FRMD3: variants seen among roughly 807,000 people sequenced by gnomAD.
The protein encoded by FRMD3 is FERM domain containing 3, also known as FERM domain-containing protein 3.
FRMD3 carries 33 observed loss-of-function variants against 70.2 expected under a neutral mutation model. The observed-to-expected ratio is 0.47, with a 90% CI of 0.36 to 0.63. The LOEUF is 0.63. Among genes scored for constraint, FRMD3 ranks in the 20% least tolerant of loss-of-function variants. The pLI is 0.00. For missense variants in FRMD3, 632 were observed against 711.4 expected, an observed-to-expected ratio of 0.89 and a Z score of 1.27; for synonymous variants, 279 against 255.9, an observed-to-expected ratio of 1.09 and a Z score of -0.86.
intron 1 of FRMD3, among the ~76,000 whole-genome samples, chr9:83,460,905 T>C (rs1827950943): frequency 6.6e-6 from 1 of 152,038 alleles, no homozygotes; most frequent in Non-Finnish European, 1.5e-5. Flanking sequence ...GCTTCTAGTT[T>C]GACACATCTG....
chr9:83,300,474 T>C (rs1834868318), intron 10 of FRMD3, among the ~76,000 whole-genome samples: 1 of 152,202 alleles, frequency 6.6e-6, no homozygotes, highest in South Asian at 2.1e-4. Context: ...ATATTCTCAC[T>C]TCTAAGTGGG....
At chr9:83,426,278 C>G (rs1587841890) in intron 1 of FRMD3, among the ~76,000 whole-genome samples, 1 of 152,362 alleles carries the variant, frequency 6.6e-6, no homozygotes, top group East Asian at 1.9e-4. Context: ...CAGTTACCAA[C>G]AGCAAAATGC....
intron 1 of FRMD3, among the ~76,000 whole-genome samples, chr9:83,469,696 A>G (rs952990449): frequency 6.6e-6 from 1 of 152,208 alleles, no homozygotes; most frequent in Non-Finnish European, 1.5e-5. Flanking sequence ...GAAAAAAAAA[A>G]CACATTAAAC....
chr9:83,556,817 T>G, the FRMD3 span, among the ~76,000 whole-genome samples: 1 of 152,216 alleles, frequency 6.6e-6, no homozygotes, highest in Admixed American at 6.5e-5. Context: ...TTGTGATATT[T>G]ATATTTTGTA....
At chr9:83,483,900 G>C (rs543322500) in intron 1 of FRMD3, among the ~76,000 whole-genome samples, 5 of 152,070 alleles carry the variant, frequency 3.3e-5, no homozygotes, top group African/African-American at 1.2e-4. Context: ...GGAATCCAAG[G>C]GCATGTTCTG....
chr9:83,558,065 T>C, the FRMD3 span, among the ~76,000 whole-genome samples: 417 of 152,310 alleles, frequency 2.7e-3, 4 homozygotes, highest in African/African-American at 9.7e-3. Flanking sequence ...TCAGAATGTA[T>C]TGGCATTCAA....
At chr9:83,446,573 G>A (rs373487225) in intron 1 of FRMD3, among the ~76,000 whole-genome samples, 1 of 150,688 alleles carries the variant, frequency 6.6e-6, no homozygotes, top group African/African-American at 2.5e-5. Context: ...CGTGAAACGG[G>A]GAGGCAGAGC....
At chr9:83,375,885 C>A (rs570989846) in intron 2 of FRMD3, among the ~76,000 whole-genome samples, 3 of 152,124 alleles carry the variant, frequency 2.0e-5, no homozygotes, top group East Asian at 3.9e-4. Context: ...AAAGACCGGG[C>A]GCAGTGGCTC....
intron 3 of FRMD3, among the ~76,000 whole-genome samples, chr9:83,370,614 G>C (rs1178342567): frequency 2.6e-5 from 4 of 152,112 alleles, no homozygotes; most frequent in African/African-American, 9.7e-5. Flanking sequence ...ATTCTAATAA[G>C]ACATTATGTG....
chr9:83,559,639 A>C, the FRMD3 span, among the ~76,000 whole-genome samples: 1 of 152,220 alleles, frequency 6.6e-6, no homozygotes, highest in Admixed American at 6.5e-5. Flanking sequence ...GTTTCAACCT[A>C]TCATTTAAAA....
At chr9:83,472,606 T>A (rs1828295112) in intron 1 of FRMD3, among the ~76,000 whole-genome samples, 1 of 152,114 alleles carries the variant, frequency 6.6e-6, no homozygotes, top group Non-Finnish European at 1.5e-5. Context: ...CAGCACAATA[T>A]CCATTCGGTG....
At chr9:83,340,680 A>G (rs4242621) in intron 5 of FRMD3, among the ~76,000 whole-genome samples, 34,101 of 152,206 alleles carry the variant, frequency 0.22, 4,241 homozygotes, top group Admixed American at 0.3. Context: ...AATTTGTATT[A>G]TGAAAGAAAA....
chr9:83,309,054 C>G (rs1353786184), intron 10 of FRMD3, among the ~76,000 whole-genome samples: 1 of 152,122 alleles, frequency 6.6e-6, no homozygotes, highest in Admixed American at 6.5e-5. Flanking sequence ...CAGTTGTCCA[C>G]AGTAGTGACC....
intron 3 of FRMD3, among the ~76,000 whole-genome samples, chr9:83,362,643 T>C (rs1165703694): frequency 2.0e-5 from 3 of 152,218 alleles, no homozygotes; most frequent in Non-Finnish European, 4.4e-5. Context: ...CCAGCCAGGA[T>C]TAAGTGGAGA....
intron 13 of FRMD3, among the ~76,000 whole-genome samples, chr9:83,273,063 C>T (rs1359965648): frequency 6.9e-6 from 1 of 143,982 alleles, no homozygotes; most frequent in African/African-American, 2.7e-5. Context: ...GGGGGGGCGC[C>T]TCTGCCCGGC....
intron 5 of FRMD3, among the ~76,000 whole-genome samples, chr9:83,339,067 G>A (rs1164807223): frequency 1.3e-5 from 2 of 152,140 alleles, no homozygotes; most frequent in South Asian, 2.1e-4. Flanking sequence ...TTGCAGAGTG[G>A]TTGGTGAGGG....
rs1405551994 is a variant in FRMD3, at chr9:83,507,734, A to ATC, written c.147+30350_147+30351insGA. 8.7e-3 allele frequency among the ~76,000 whole-genome samples: 1,001 copies of ATC among 114,920 alleles called. 71 individuals are homozygous for ATC. The highest frequency in any genetic ancestry group is 0.02 in the Middle Eastern group (4 of 202). 75.4% of individuals were successfully genotyped at this position (114,920 alleles called of 152,430 possible). A position where few individuals can be genotyped will look rare whatever the true frequency, so the allele number is the denominator to read the frequency against. Reference sequence around the variant, plus strand: ...TATATATATATATATATATATATATATATATCTTCTGGAATATTTCCTGAA... The same window carrying ATC: ...TATATATATATATATATATATATATATCTATATCTTCTGGAATATTTCCTGAA... On this transcript the variant is annotated intron_variant, in intron 1 of 13. Transcript: ENST00000304195.
intron 1 of FRMD3, among the ~76,000 whole-genome samples, chr9:83,431,685 G>T (rs958421441): frequency 6.6e-6 from 1 of 152,086 alleles, no homozygotes; most frequent in Non-Finnish European, 1.5e-5. Flanking sequence ...TCCTTCTCTT[G>T]TCTCTGATTT....
At chr9:83,441,025 C>T (rs765311864) in intron 1 of FRMD3, among the ~76,000 whole-genome samples, 7 of 152,292 alleles carry the variant, frequency 4.6e-5, no homozygotes, top group Non-Finnish European at 8.8e-5. Context: ...CTTCCCTCTA[C>T]TGTGGTGGTC....
Sources: allele counts gnomAD v4.1 joint callset (sites outside exome capture counted in the v4.1 genomes callset), GRCh38; gene constraint gnomAD v4.1.1; transcripts MANE v1.5; gene names NCBI Gene and HGNC (gene_info 2026-07-23, HGNC 2026-07-21).